The following KCNN3 variants were observed in gnomAD, a reference collection of about 807,000 sequenced individuals.
KCNN3 encodes potassium calcium-activated channel subfamily N member 3.
In KCNN3, 16 loss-of-function variants were observed where a neutral mutation model predicts 62.9. The observed-to-expected ratio is 0.25, with a 90% CI of 0.17 to 0.39. The LOEUF (loss-of-function observed/expected upper bound fraction) is 0.39, where lower values mean the gene tolerates loss of function less well. Among genes scored for constraint, KCNN3 ranks in the 10% least tolerant of loss-of-function variants. The probability of loss-of-function intolerance (pLI) is 1.00; values close to 1 mark genes in which losing one functional copy is unlikely to be tolerated. For synonymous variants in KCNN3, 370 were observed against 389.2 expected (o/e 0.95, Z 0.58); for missense variants, 599 against 949.4 (o/e 0.63, Z 4.85).
In KCNN3 at chr1:154,869,638, C is replaced by G. The variant is rs1213530983; in HGVS notation, c.327G>C (p.Arg109Ser). The G allele has an allele frequency of 1.2e-6, 2 of 1,612,934 alleles. No individual in the cohort carries two copies. The highest frequency in any genetic ancestry group is 2.7e-5 in the African/African-American group (2 of 74,892). Reference sequence around the variant, plus strand: ...CGGTGGAGTTGGACGAAGGGGGGGCCCTGAAAGCGGTGGGAGAGGAGTGCA... The same window carrying G: ...CGGTGGAGTTGGACGAAGGGGGGGCGCTGAAAGCGGTGGGAGAGGAGTGCA... ...GLLHSSPTAFRAPPSSNSTAI... is the reference protein window; with the variant it reads ...GLLHSSPTAFSAPPSSNSTAI... The change falls in exon 1 of 8, where the codon AGG (arginine) becomes AGC (serine). Residue 109 changes from arginine to serine, a missense_variant. By Grantham distance (110) the Arg-to-Ser change is moderately radical. Around this residue, in one of 7 missense-constraint regions of KCNN3, gnomAD observed 112 missense variants for 142.9 expected, o/e 0.78. Transcript: ENST00000271915. This position sits in a 1 kb window ranked among gnomAD's most constrained non-coding sequence, Gnocchi z 6.1.
rs1699861114 is a variant in KCNN3, at chr1:154,701,872, C to T, written c.*6104G>A. 1 of 152,174 alleles carries T rather than the reference C, an allele frequency of 6.6e-6. No individual in the cohort carries two copies. Among genetic ancestry groups the T allele is most frequent in the African/African-American group, 2.4e-5 (1 of 41,434 alleles). The allele number at this position is 152,174 out of a possible 1,614,324, so 9.4% of individuals were successfully genotyped here. On this transcript the variant is annotated 3_prime_UTR_variant, in exon 8 of 8. Transcript: ENST00000271915. The stretch of plus-strand genomic sequence containing the variant: ...CTAGGATTTTGAGTATTTTAAGTTA[C>T]AGGAAAACAGGACTCTTTCTTATGT...
At position 154,805,895 on chromosome 1, in the gene KCNN3, C is replaced by A. The variant is rs75457631; in HGVS notation, c.1029+16194G>T. ...ATTAAGGATGCAGATAGAATTAAGGCCGCTAATCAGTTGACTTTAAAATAG... is the reference window on the plus strand; with the variant it reads ...ATTAAGGATGCAGATAGAATTAAGGACGCTAATCAGTTGACTTTAAAATAG... On this transcript the variant is annotated intron_variant, in intron 2 of 7. Coordinates refer to ENST00000271915, the MANE Select transcript of KCNN3 (RefSeq NM_002249.6). Among the ~76,000 whole-genome samples, 1,044 of 152,266 alleles carry A rather than the reference C, an allele frequency of 6.9e-3. 15 individuals carry two copies. Among genetic ancestry groups the A allele is most frequent in the South Asian group, 0.042 (204 of 4,824 alleles).
chr1:154,715,751 C>T lies in KCNN3; in HGVS notation c.1702-748G>A, dbSNP rs143433553. Among the ~76,000 whole-genome samples the T allele has an allele frequency of 4.0e-3, 610 of 152,294 alleles. 2 individuals are homozygous for T. The Middle Eastern group carries it at 0.041, about 10-fold the overall frequency. ...GAAAATAGCTAGCGATATACCATTG[C>T]TGCCCTTACATGCAGACTTCCGAGC... On this transcript the variant is annotated intron_variant, in intron 5 of 7. Coordinates refer to ENST00000271915, the MANE Select transcript of KCNN3 (RefSeq NM_002249.6).
intron 1 of KCNN3, chr1:154,859,588 C>T: frequency 1.8e-6 from 2 of 1,086,796 alleles, no homozygotes; most frequent in Non-Finnish European, 2.9e-6. Flanking sequence ...AGGGCCCCCT[C>T]AGCTCAAAGC....
At position 154,705,638 on chromosome 1, in the gene KCNN3, T is replaced by C. The variant is rs964956307; in HGVS notation, c.*2338A>G. 3 of 152,194 alleles carry C rather than the reference T, an allele frequency of 2.0e-5. No homozygotes were observed. Among genetic ancestry groups the C allele is most frequent in the African/African-American group, 7.2e-5 (3 of 41,444 alleles). 9.4% of individuals were successfully genotyped at this position (152,194 alleles called of 1,614,324 possible). On this transcript the variant is annotated 3_prime_UTR_variant, in exon 8 of 8. Transcript: ENST00000271915. ...GAATAAATCACAGTCTGTGCACACT[T>C]TTGGCCAGGAAGAGTGGCAGTGGAA...
chr1:154,802,630 A>C (rs747687575), intron 2 of KCNN3, among the ~76,000 whole-genome samples: 3 of 152,238 alleles, frequency 2.0e-5, no homozygotes, highest in Non-Finnish European at 4.4e-5. Context: ...CAACAGCTGC[A>C]GACTAATATG....
chr1:154,866,631 A>C (rs1373917981), intron 1 of KCNN3, among the ~76,000 whole-genome samples: 1 of 152,246 alleles, frequency 6.6e-6, no homozygotes, highest in Non-Finnish European at 1.5e-5. Context: ...ATGGATGGAC[A>C]GTGCAGGGAT....
rs183022779 is a variant in KCNN3, at chr1:154,850,415, C to T, written c.933+18617G>A. ...GTCTACAGGTCCCAAGACTCTCACC[C>T]TCCAAGCCCGGGTGCCAGCATCAGA... On this transcript the variant is annotated intron_variant, in intron 1 of 7. Transcript: ENST00000271915. Among the ~76,000 whole-genome samples, 814 of 152,338 alleles carry T rather than the reference C, an allele frequency of 5.3e-3. 26 individuals are homozygous for T. The highest frequency in any genetic ancestry group is 0.048 in the Admixed American group (734 of 15,296).
At chr1:154,865,835 TG>T (rs561152403) in intron 1 of KCNN3, among the ~76,000 whole-genome samples, 1 of 151,978 alleles carries the variant, frequency 6.6e-6, no homozygotes, top group African/African-American at 2.4e-5. Context: ...TTCAATCACC[TG>T]GGGAAAAAAA....
chr1:154,744,127 G>A (rs1700884986), intron 3 of KCNN3, among the ~76,000 whole-genome samples: 1 of 152,050 alleles, frequency 6.6e-6, no homozygotes, highest in African/African-American at 2.4e-5. Flanking sequence ...TGTATTTATT[G>A]ACTGACAACC....
chr1:154,864,428 G>A (rs1652879887), intron 1 of KCNN3, among the ~76,000 whole-genome samples: 1 of 152,262 alleles, frequency 6.6e-6, no homozygotes, highest in African/African-American at 2.4e-5. Flanking sequence ...TGACCAGGGA[G>A]AGCAGAGGAT....
In KCNN3 at chr1:154,735,004, G is replaced by T. The variant is rs569173615; in HGVS notation, c.1449-1860C>A. 2.0e-5 allele frequency among the ~76,000 whole-genome samples: 3 copies of T among 152,294 alleles called. No individual in the cohort carries two copies. In the East Asian group the frequency reaches 5.8e-4, roughly 29 times the overall value. On this transcript the variant is annotated intron_variant, in intron 3 of 7. Coordinates refer to ENST00000271915, the MANE Select transcript of KCNN3 (RefSeq NM_002249.6). Reference sequence around the variant, plus strand: ...TAGCAGGTGACCAGGGGGCTTCAGAGACCAGGGGTCAGATTTAGGAAGGCC... The same window carrying T: ...TAGCAGGTGACCAGGGGGCTTCAGATACCAGGGGTCAGATTTAGGAAGGCC...
rs2101748350 is a variant in KCNN3, at chr1:154,702,877, A to ACATAGC, written c.*5093_*5098dup. The ACATAGC allele has an allele frequency of 6.6e-6, 1 of 151,322 alleles. No homozygotes were observed. The highest frequency in any genetic ancestry group is 2.0e-4 in the East Asian group (1 of 5,128). 9.4% of individuals were successfully genotyped at this position (151,322 alleles called of 1,614,324 possible). A position where few individuals can be genotyped will look rare whatever the true frequency, so the allele number is the denominator to read the frequency against. On this transcript the variant is annotated 3_prime_UTR_variant, in exon 8 of 8. Transcript: ENST00000271915. ...ATGTGTCTCTTTTGCTTGTTTCAACACATAGCCCAGGCCCAAGATTACAGC... is the reference window on the plus strand; with the variant it reads ...ATGTGTCTCTTTTGCTTGTTTCAACACATAGCCATAGCCCAGGCCCAAGATTACAGC...
chr1:154,750,837 T>A (rs1422409937), intron 3 of KCNN3, among the ~76,000 whole-genome samples: 1 of 152,108 alleles, frequency 6.6e-6, no homozygotes, highest in African/African-American at 2.4e-5. Context: ...CTGGGGAGCA[T>A]CAGCTCAGAG....
intron 5 of KCNN3, among the ~76,000 whole-genome samples, chr1:154,724,080 A>G (rs1417241179): frequency 6.6e-6 from 1 of 152,222 alleles, no homozygotes; most frequent in African/African-American, 2.4e-5. Context: ...CAACAACATA[A>G]GAATATTTGC....
chr1:154,726,454 G>A (rs1481119254), intron 4 of KCNN3, among the ~76,000 whole-genome samples: 1 of 152,224 alleles, frequency 6.6e-6, no homozygotes, highest in Non-Finnish European at 1.5e-5. Context: ...AGACCAGCAG[G>A]CCTGGGAGGA....
At chr1:154,866,101 T>G (rs1652945521) in intron 1 of KCNN3, among the ~76,000 whole-genome samples, 1 of 152,092 alleles carries the variant, frequency 6.6e-6, no homozygotes, top group Admixed American at 6.5e-5. Context: ...ACTTCCTCCA[T>G]GAAACTGGGA....
intron 5 of KCNN3, among the ~76,000 whole-genome samples, chr1:154,719,404 G>C (rs1199762583): frequency 6.6e-6 from 1 of 152,188 alleles, no homozygotes; most frequent in East Asian, 1.9e-4. Context: ...CACCTAGGCT[G>C]TATGGTATAG....
chr1:154,825,780 T>G (rs1462663290), intron 1 of KCNN3, among the ~76,000 whole-genome samples: 1 of 150,992 alleles, frequency 6.6e-6, no homozygotes, highest in Non-Finnish European at 1.5e-5. Flanking sequence ...AAAACACTTC[T>G]GCACACGGCC....
Sources: allele counts gnomAD v4.1 joint callset (sites outside exome capture counted in the v4.1 genomes callset), GRCh38; gene constraint gnomAD v4.1.1; regional missense constraint gnomAD v4.1.1; non-coding constraint Gnocchi (gnomAD v3.1); transcripts MANE v1.5; gene names NCBI Gene and HGNC (gene_info 2026-07-23, HGNC 2026-07-21).